Variants in PPFIBP2 observed in about 807,000 individuals in gnomAD.
PPFIBP2 encodes the protein liprin-beta-2.
In PPFIBP2, 118 loss-of-function variants were observed where a neutral mutation model predicts 118.3. That is an observed-to-expected ratio of 1.00 (90% CI 0.86 to 1.16). The LOEUF is 1.16. Ranked by LOEUF, PPFIBP2 falls within the 50% of genes most tolerant of loss-of-function variation. PPFIBP2 has a pLI of 0.00. For synonymous variants in PPFIBP2, 414 were observed against 397.4 expected, an observed-to-expected ratio of 1.04 and a Z score of -0.50; for missense variants, 1,195 against 1,073.1, an observed-to-expected ratio of 1.11 and a Z score of -1.59.
At chr11:7,593,261 A>G (rs7115173) in intron 4 of PPFIBP2, 37 bp downstream of exon 4, 564,920 of 1,605,588 alleles carry the variant, frequency 0.35, 100,750 homozygotes, top group East Asian at 0.46. Flanking sequence ...TTATCCTGTT[A>G]CCTCCTACTA....
At chr11:7,549,272 C>G (rs1564961204) in intron 1 of PPFIBP2, among the ~76,000 whole-genome samples, 168 bp from the exon 2 acceptor site, 3 of 152,296 alleles carry the variant, frequency 2.0e-5, no homozygotes, top group African/African-American at 7.2e-5. Context: ...GGAAAAAGCA[C>G]TCATGCCAAG....
intron 1 of PPFIBP2, among the ~76,000 whole-genome samples, chr11:7,542,407 T>C (rs1851889548): frequency 6.6e-6 from 1 of 152,236 alleles, no homozygotes; most frequent in Admixed American, 6.5e-5. Flanking sequence ...TTATTTCTTT[T>C]AATCTTAATC....
Position 7,642,295 on chromosome 11 carries a change from C to A in PPFIBP2, c.1518-3C>A. On this transcript the variant is annotated splice_region_variant and splice_polypyrimidine_tract_variant and intron_variant, in intron 16 of 23. Transcript: ENST00000299492. ...CCGTCTCCATGGATTCTTCTCCATG[C>A]AGAATCCGAAGAACTCAGTCAGGAA... 4 of 1,613,798 alleles carry A rather than the reference C, an allele frequency of 2.5e-6. No individual in the cohort carries two copies. Among genetic ancestry groups the A allele is most frequent in the Non-Finnish European group, 3.4e-6 (4 of 1,179,864 alleles).
intron 23 of PPFIBP2, among the ~76,000 whole-genome samples, chr11:7,652,613 A>G (rs1457786694): frequency 6.6e-6 from 1 of 152,232 alleles, no homozygotes; most frequent in Non-Finnish European, 1.5e-5. Context: ...GGGCTATCCT[A>G]CGCGCCTTTA....
chr11:7,580,682 C>T (rs1857135809), intron 3 of PPFIBP2, among the ~76,000 whole-genome samples: 2 of 152,156 alleles, frequency 1.3e-5, no homozygotes, highest in Admixed American at 6.5e-5. Flanking sequence ...CCACGTTTAC[C>T]AGCTGTGTGA....
chr11:7,575,917 T>C (rs1488925054), intron 3 of PPFIBP2, among the ~76,000 whole-genome samples: 1 of 152,178 alleles, frequency 6.6e-6, no homozygotes, highest in African/African-American at 2.4e-5. Context: ...GCTTTTCCTT[T>C]CTGGCCTCTG....
intron 14 of PPFIBP2, among the ~76,000 whole-genome samples, chr11:7,638,724 T>G (rs1851750932): frequency 6.6e-6 from 1 of 152,224 alleles, no homozygotes; most frequent in South Asian, 2.1e-4. Context: ...TCTCTTTTCT[T>G]TTATTCTCAC....
intron 17 of PPFIBP2, among the ~76,000 whole-genome samples, chr11:7,643,534 G>T (rs1590772844): frequency 6.6e-6 from 1 of 152,340 alleles, no homozygotes; most frequent in East Asian, 1.9e-4. Context: ...TGTGCTTTAT[G>T]AACCGTAACA....
intron 6 of PPFIBP2, among the ~76,000 whole-genome samples, chr11:7,618,699 T>C (rs1848976294): frequency 6.6e-6 from 1 of 152,080 alleles, no homozygotes; most frequent in South Asian, 2.1e-4. Context: ...GTTTTCTTTT[T>C]CTTTTTTTTT....
intron 3 of PPFIBP2, among the ~76,000 whole-genome samples, chr11:7,575,700 A>G (rs1476921096): frequency 6.6e-6 from 1 of 152,202 alleles, no homozygotes; most frequent in African/African-American, 2.4e-5. Flanking sequence ...TATTGACTGG[A>G]TGAATTTCTT....
downstream of PPFIBP2, among the ~76,000 whole-genome samples, chr11:7,659,173 CTT>C (rs1854836207): frequency 1.3e-5 from 2 of 149,942 alleles, no homozygotes. Flanking sequence ...TCAATTTTGT[CTT>C]TTGTTGCCAT....
intron 1 of PPFIBP2, among the ~76,000 whole-genome samples, chr11:7,518,286 G>A (rs1246400524): frequency 6.6e-6 from 1 of 152,212 alleles, no homozygotes; most frequent in Non-Finnish European, 1.5e-5. Context: ...GGTTCCTTCT[G>A]GGTTGGCTGG....
chr11:7,655,794 G>T (rs2136072900), downstream of PPFIBP2, among the ~76,000 whole-genome samples: 1 of 151,710 alleles, frequency 6.6e-6, no homozygotes, highest in South Asian at 2.1e-4. Context: ...TTAGAGATGA[G>T]GAAACCAAGA....
chr11:7,640,964 C>G (rs1444966189), intron 15 of PPFIBP2: 1 of 1,162,740 alleles, frequency 8.6e-7, no homozygotes, highest in East Asian at 5.7e-5. Context: ...TTCCCCGTAA[C>G]TCTGTTGGGC....
At chr11:7,592,989 GT>G in intron 3 of PPFIBP2, 142 bp from the exon 4 acceptor site, 1 of 1,276,732 alleles carries the variant, frequency 7.8e-7, no homozygotes, top group Non-Finnish European at 1.0e-6. Flanking sequence ...AAATCTTGTG[GT>G]TTCCTGTTTT....
chr11:7,639,648 AGGGAGTTG>A, intron 14 of PPFIBP2, 76 bp from the exon 15 acceptor site: 1 of 1,563,244 alleles, frequency 6.4e-7, no homozygotes, highest in Non-Finnish European at 8.8e-7. Flanking sequence ...CTTGCAAAAC[AGGGAGTTG>A]TTCTGTATCC....
chr11:7,531,117 G>A (rs995283181), intron 1 of PPFIBP2, among the ~76,000 whole-genome samples: 4 of 152,116 alleles, frequency 2.6e-5, no homozygotes, highest in Non-Finnish European at 5.9e-5. Flanking sequence ...TCTCCAGCAG[G>A]CCTGTCTTTG....
chr11:7,565,862 T>A, intron 3 of PPFIBP2, 95 bp downstream of exon 3: 2 of 1,342,564 alleles, frequency 1.5e-6, no homozygotes, highest in Non-Finnish European at 2.1e-6. Context: ...GAGTCATCTG[T>A]ATACCTTCCA....
At chr11:7,648,175 C>T in intron 17 of PPFIBP2, 1 of 517,636 alleles carries the variant, frequency 1.9e-6, no homozygotes, top group Non-Finnish European at 3.4e-6. Flanking sequence ...AAATTCAGAT[C>T]TTGTGTTATT....
Sources: allele counts gnomAD v4.1 joint callset (sites outside exome capture counted in the v4.1 genomes callset), GRCh38; gene constraint gnomAD v4.1.1; transcripts MANE v1.5; gene names NCBI Gene and HGNC (gene_info 2026-07-23, HGNC 2026-07-21).